The following TP53AIP1 variants were observed in gnomAD, a reference collection of about 807,000 sequenced individuals.
TP53AIP1 encodes the protein tumor protein p53 regulated apoptosis inducing protein 1.
In TP53AIP1, 14 loss-of-function variants were observed where a neutral mutation model predicts 9.5. The observed-to-expected ratio is 1.47, with a 90% CI of 0.97 to 2.30. The LOEUF (loss-of-function observed/expected upper bound fraction) is 2.30. Among genes scored for constraint, TP53AIP1 ranks in the 30% most tolerant of loss-of-function variants. The probability of loss-of-function intolerance (pLI) is 0.00; values close to 1 mark genes in which losing one functional copy is unlikely to be tolerated. For missense variants in TP53AIP1, 153 were observed against 146.7 expected (o/e 1.04, Z -0.22); for synonymous variants, 73 against 61.2 (o/e 1.19, Z -0.90).
downstream of TP53AIP1, chr11:128,934,980 C>T (rs540203790): frequency 4.6e-5 from 32 of 702,714 alleles, no homozygotes; most frequent in Middle Eastern, 2.3e-4. Context: ...TGCCCTGGGG[C>T]TTTCAACTCC....
rs1944842494 is a variant in TP53AIP1 at position 128,937,218 on chromosome 11, A to G, written c.141+460T>C. On this transcript the variant is annotated intron_variant, in intron 2 of 3. Transcript: ENST00000531399. This position sits in a 1 kb window ranked among gnomAD's most constrained non-coding sequence, Gnocchi z 4.8. ...AGGAAACGACTTCTTGGAGTAAGTGACTGGTGCTCCGAGGCCCATCTGGAC... is the reference window on the plus strand; with the variant it reads ...AGGAAACGACTTCTTGGAGTAAGTGGCTGGTGCTCCGAGGCCCATCTGGAC... The G allele has an allele frequency of 2.5e-6, 3 of 1,216,004 alleles. No homozygotes were observed. Among genetic ancestry groups the G allele is most frequent in the South Asian group, 3.1e-5 (1 of 32,278 alleles). 75.3% of individuals were successfully genotyped at this position (1,216,004 alleles called of 1,614,324 possible). A position where few individuals can be genotyped will look rare whatever the true frequency, so the allele number is the denominator to read the frequency against.
downstream of TP53AIP1, chr11:128,934,759 T>C (rs1205996767): frequency 6.7e-6 from 3 of 449,542 alleles, no homozygotes; most frequent in Non-Finnish European, 1.2e-5. Flanking sequence ...ATTTGGAAGG[T>C]GAACCTAGAA....
chr11:128,934,973 C>T (rs1944781304), downstream of TP53AIP1: 1 of 702,770 alleles, frequency 1.4e-6, no homozygotes, highest in East Asian at 2.7e-5. Flanking sequence ...TAAGGGTTGC[C>T]CTGGGGCTTT....
At position 128,935,653 on chromosome 11, in the gene TP53AIP1, G is replaced by A. The variant is rs11601431; in HGVS notation, c.313C>T (p.Pro105Ser). The change falls in exon 4 of 4, where the codon CCA (proline) becomes TCA (serine). Residue 105 changes from proline (P) to serine (S), a missense_variant. By Grantham distance (74) the Pro-to-Ser change is moderately conservative. Transcript: ENST00000531399. Reference protein sequence around the residue: ...LPGATVLRDRPLGSAFELSYD... With the variant: ...LPGATVLRDRSLGSAFELSYD... The stretch of plus-strand genomic sequence containing the variant: ...CTGAGCTCAAATGCTGACCCCAGTG[G>A]CCTGTCTCTAAGCACTGTGGCTCCA... The A allele has an allele frequency of 0.22, 343,892 of 1,585,900 alleles. 39,444 individuals carry two copies. Among genetic ancestry groups the A allele is most frequent in the South Asian group, 0.35 (31,140 of 88,228 alleles).
At position 128,935,465 on chromosome 11, in the gene TP53AIP1, T is replaced by C; in HGVS notation, c.*126A>G. 7.0e-7 allele frequency: 1 copy of C among 1,435,740 alleles called. No homozygotes were observed. The highest frequency in any genetic ancestry group is 9.1e-7 in the Non-Finnish European group (1 of 1,099,756). 88.9% of individuals were successfully genotyped at this position (1,435,740 alleles called of 1,614,324 possible). ...CTGGCCCAGTGGTCAAGGGGGGAAA[T>C]GAGGTGGCCGCTAGTCAGCGCTGGA... On this transcript the variant is annotated 3_prime_UTR_variant, in exon 4 of 4. Coordinates refer to ENST00000531399, the MANE Select transcript of TP53AIP1 (RefSeq NM_022112.3).
chr11:128,937,967 T>A lies in TP53AIP1; in HGVS notation c.-76-73A>T. The A allele has an allele frequency of 1.1e-6, 1 of 880,606 alleles. No individual in the cohort carries two copies. 54.5% of individuals were successfully genotyped at this position (880,606 alleles called of 1,614,324 possible). On this transcript the variant is annotated intron_variant, in intron 1 of 3. Coordinates refer to ENST00000531399, the MANE Select transcript of TP53AIP1 (RefSeq NM_022112.3). The surrounding 1 kb of genome is among the most constrained non-coding windows in gnomAD (Gnocchi z 4.8). ...CTGGGCCAGCAATGATGATTTCTAC[T>A]GTTAGGGTTTCAGTTGTACTTGGAT...
At chr11:128,941,072 G>A (rs959273302) in intron 1 of TP53AIP1, among the ~76,000 whole-genome samples, 1 of 152,222 alleles carries the variant, frequency 6.6e-6, no homozygotes. Flanking sequence ...GCGGGATGAG[G>A]AGAGCCAGGC....
intron 1 of TP53AIP1, among the ~76,000 whole-genome samples, chr11:128,941,274 C>T (rs149518730): frequency 1.8e-4 from 28 of 152,268 alleles, no homozygotes; most frequent in East Asian, 1.5e-3. Context: ...TCTCCACCTG[C>T]GACGTGTTTC....
chr11:128,935,558 G>A lies in TP53AIP1; in HGVS notation c.*33C>T, dbSNP rs185793152. 1.8e-4 allele frequency: 279 copies of A among 1,534,318 alleles called. 1 individual carries two copies. The East Asian group carries it at 4.0e-3, about 22-fold the overall frequency. ...TTTTGAGATGGAGTCTCTCTCTGTC[G>A]CCCAGGCTGGAGTGCAGTGGCGTGA... On this transcript the variant is annotated 3_prime_UTR_variant, in exon 4 of 4. Coordinates refer to ENST00000531399, the MANE Select transcript of TP53AIP1 (RefSeq NM_022112.3).
Position 128,939,295 on chromosome 11 carries a change from G to A in TP53AIP1, c.-76-1401C>T, listed in dbSNP as rs1944897824. ...TGGACTCCCAAATCCCAGCAGCAAT[G>A]CAAAGCCACCCCCAGAAGAGCTGCC... On this transcript the variant is annotated intron_variant, in intron 1 of 3. Transcript: ENST00000531399. This position sits in a 1 kb window ranked among gnomAD's most constrained non-coding sequence, Gnocchi z 4.1. 6.6e-6 allele frequency among the ~76,000 whole-genome samples: 1 copy of A among 152,142 alleles called. No homozygotes were observed. The highest frequency in any genetic ancestry group is 2.4e-5 in the African/African-American group (1 of 41,420).
At chr11:128,935,293 C>T (rs916578654), downstream of TP53AIP1, 25 of 1,424,682 alleles carry the variant, frequency 1.8e-5, no homozygotes, top group East Asian at 4.6e-4. Context: ...CTTTTCCTTG[C>T]AGAGTTTTGT....
Position 128,939,350 on chromosome 11 carries a change from C to T in TP53AIP1, c.-76-1456G>A, listed in dbSNP as rs2136024457. 6.6e-6 allele frequency among the ~76,000 whole-genome samples: 1 copy of T among 152,306 alleles called. No individual in the cohort carries two copies. The highest frequency in any genetic ancestry group is 3.4e-3 in the Middle Eastern group (1 of 294). On this transcript the variant is annotated intron_variant, in intron 1 of 3. Coordinates refer to ENST00000531399, the MANE Select transcript of TP53AIP1 (RefSeq NM_022112.3). The surrounding 1 kb of genome is among the most constrained non-coding windows in gnomAD (Gnocchi z 4.1). ...ACAAGTGATCCTGCGGCCCATTGCT[C>T]ACTCCCCGCAGAGGCAGGGGCAGCT...
Position 128,937,278 on chromosome 11 carries a change from G to A in TP53AIP1, c.141+400C>T, listed in dbSNP as rs2136019762. On this transcript the variant is annotated intron_variant, in intron 2 of 3. Coordinates refer to ENST00000531399, the MANE Select transcript of TP53AIP1 (RefSeq NM_022112.3). This position sits in a 1 kb window ranked among gnomAD's most constrained non-coding sequence, Gnocchi z 4.8. ...ATCCGGGGTGGACGCAGAAGAGCAG[G>A]CCCGGAGCCCTGCACCCCAGCCTTC... The A allele has an allele frequency of 7.5e-7, 1 of 1,332,364 alleles. No individual in the cohort carries two copies. Among genetic ancestry groups the A allele is most frequent in the African/African-American group, 1.5e-5 (1 of 67,428 alleles). 82.5% of individuals were successfully genotyped at this position (1,332,364 alleles called of 1,614,324 possible). A position where few individuals can be genotyped will look rare whatever the true frequency, so the allele number is the denominator to read the frequency against.
chr11:128,937,980 G>T lies in TP53AIP1; in HGVS notation c.-76-86C>A. 1.2e-6 allele frequency: 1 copy of T among 813,880 alleles called. No individual in the cohort carries two copies. The highest frequency in any genetic ancestry group is 1.9e-6 in the Non-Finnish European group (1 of 533,334). The allele number at this position is 813,880 out of a possible 1,614,324, so 50.4% of individuals were successfully genotyped here. ...GATGATTTCTACTGTTAGGGTTTCA[G>T]TTGTACTTGGATCTGGGAGGGGGAA... On this transcript the variant is annotated intron_variant, in intron 1 of 3. Coordinates refer to ENST00000531399, the MANE Select transcript of TP53AIP1 (RefSeq NM_022112.3). The surrounding 1 kb of genome is among the most constrained non-coding windows in gnomAD (Gnocchi z 4.8).
chr11:128,936,803 A>T, intron 2 of TP53AIP1, 154 bp from the exon 3 acceptor site: 1 of 1,431,538 alleles, frequency 7.0e-7, no homozygotes, highest in Non-Finnish European at 9.1e-7. Context: ...TCCCATGGAA[A>T]CCAAACTGGG....
intron 1 of TP53AIP1, among the ~76,000 whole-genome samples, chr11:128,941,170 G>A (rs1441079296): frequency 6.6e-6 from 1 of 152,202 alleles, no homozygotes; most frequent in Non-Finnish European, 1.5e-5. Context: ...GGAAGAGGAA[G>A]AGCTCAGCAT....
chr11:128,941,029 G>GGGAGGGCAGCCAGAAGGGCA (rs142268631), intron 1 of TP53AIP1, among the ~76,000 whole-genome samples: 17,826 of 152,108 alleles, frequency 0.12, 1,222 homozygotes, highest in South Asian at 0.31. Flanking sequence ...GCTAGGAGAA[G>GGGAGGGCAGCCAGAAGGGCA]GGAGGGCAGC....
In TP53AIP1 at chr11:128,939,929, G is replaced by A. The variant is rs927462697; in HGVS notation, c.-76-2035C>T. 2.0e-5 allele frequency among the ~76,000 whole-genome samples: 3 copies of A among 152,148 alleles called. No homozygotes were observed. Among genetic ancestry groups the A allele is most frequent in the African/African-American group, 7.2e-5 (3 of 41,410 alleles). ...GGAGGGTCCCAGCGGAGTTCATGCCGGGACTCAGGTTGCACACGGCCAGTG... is the reference window on the plus strand; with the variant it reads ...GGAGGGTCCCAGCGGAGTTCATGCCAGGACTCAGGTTGCACACGGCCAGTG... On this transcript the variant is annotated intron_variant, in intron 1 of 3. Transcript: ENST00000531399. This position sits in a 1 kb window ranked among gnomAD's most constrained non-coding sequence, Gnocchi z 4.1.
chr11:128,935,503 C>T lies in TP53AIP1; in HGVS notation c.*88G>A, dbSNP rs191078035. On this transcript the variant is annotated 3_prime_UTR_variant, in exon 4 of 4. Transcript: ENST00000531399. Reference sequence around the variant, plus strand: ...AGTCAGCGCTGGAGCCATTTCTCGACGGTGCTTTCTGTTTGTTTGTTTGTT... The same window carrying T: ...AGTCAGCGCTGGAGCCATTTCTCGATGGTGCTTTCTGTTTGTTTGTTTGTT... The T allele has an allele frequency of 6.4e-3, 9,268 of 1,437,242 alleles. 39 individuals carry two copies. Among genetic ancestry groups the T allele is most frequent in the Non-Finnish European group, 7.2e-3 (7,866 of 1,094,982 alleles). 89.0% of individuals were successfully genotyped at this position (1,437,242 alleles called of 1,614,324 possible). A position where few individuals can be genotyped will look rare whatever the true frequency, so the allele number is the denominator to read the frequency against.
Sources: allele counts gnomAD v4.1 joint callset (sites outside exome capture counted in the v4.1 genomes callset), GRCh38; gene constraint gnomAD v4.1.1; non-coding constraint Gnocchi (gnomAD v3.1); transcripts MANE v1.5; gene names NCBI Gene and HGNC (gene_info 2026-07-23, HGNC 2026-07-21).